Variants in GSE1 observed in about 807,000 individuals in gnomAD.
GSE1 encodes the protein genetic suppressor element 1.
Under a neutral mutation model 112.6 loss-of-function variants are expected in GSE1, and 32 were observed. The ratio of observed to expected loss-of-function variants is 0.28; its 90% CI spans 0.21 to 0.38. GSE1 has a LOEUF of 0.38. Ranked by LOEUF, GSE1 falls within the 10% of genes least tolerant of loss-of-function variation. The probability of loss-of-function intolerance (pLI) is 1.00; values close to 1 mark genes in which losing one functional copy is unlikely to be tolerated. For missense variants in GSE1, 2,348 were observed against 1,699.2 expected, an observed-to-expected ratio of 1.38 and a Z score of -6.71; for synonymous variants, 1,115 against 735.6, an observed-to-expected ratio of 1.52 and a Z score of -8.35.
At chr16:85,315,099 C>T (rs1473698011) in intron 1 of GSE1, among the ~76,000 whole-genome samples, 3 of 151,776 alleles carry the variant, frequency 2.0e-5, no homozygotes, top group Admixed American at 2.0e-4. Flanking sequence ...GAGTGCCCCA[C>T]CCTGCCCGCC....
chr16:85,358,407 G>T (rs1243179170), intron 2 of GSE1, among the ~76,000 whole-genome samples: 1 of 152,154 alleles, frequency 6.6e-6, no homozygotes, highest in East Asian at 1.9e-4. Flanking sequence ...CCCTCCAGAG[G>T]GCTGTGGTCA....
At chr16:85,486,313 A>T (rs117971703) in intron 2 of GSE1, among the ~76,000 whole-genome samples, 1 of 151,796 alleles carries the variant, frequency 6.6e-6, no homozygotes, top group African/African-American at 2.4e-5. Flanking sequence ...ACGTACGCAC[A>T]CTCCTGCTCT....
At chr16:85,618,582 A>G (rs1278939786) in intron 1 of GSE1, among the ~76,000 whole-genome samples, 1 of 152,202 alleles carries the variant, frequency 6.6e-6, no homozygotes, top group Non-Finnish European at 1.5e-5. Context: ...GAGGCTGTTG[A>G]GGGTTAAAGC....
chr16:85,172,263 G>T (rs1180853076), intron 1 of GSE1, among the ~76,000 whole-genome samples: 1 of 152,218 alleles, frequency 6.6e-6, no homozygotes, highest in African/African-American at 2.4e-5. Flanking sequence ...TCTAGCTCCC[G>T]TGTGGCTTGG....
chr16:85,273,504 C>T (rs920176844), intron 1 of GSE1, among the ~76,000 whole-genome samples: 14 of 152,110 alleles, frequency 9.2e-5, no homozygotes, highest in Non-Finnish European at 1.6e-4. Flanking sequence ...ATCCATGGTG[C>T]AGCATGGATC....
chr16:85,549,967 A>C (rs7205397), intron 2 of GSE1, among the ~76,000 whole-genome samples: 2,227 of 152,316 alleles, frequency 0.015, 41 homozygotes, highest in African/African-American at 0.051. Context: ...CAGTGCACTA[A>C]GGCCCCATCA....
rs922446025 is a variant in GSE1 at position 85,399,571 on chromosome 16, A to G, written c.2464+41928A>G. Among the ~76,000 whole-genome samples the G allele has an allele frequency of 3.0e-4, 46 of 152,254 alleles. 1 individual carries two copies. Among genetic ancestry groups the G allele is most frequent in the Non-Finnish European group, 2.8e-4 (19 of 68,002 alleles). On this transcript the variant is annotated intron_variant, in intron 2 of 2. Coordinates refer to the GSE1 transcript ENST00000637419. Reference sequence around the variant, plus strand: ...CTGCAGGCCCCTGGGTAAACCGACCAGTTTCCTAAGCTGCCTGCCTGCTTT... The same window carrying G: ...CTGCAGGCCCCTGGGTAAACCGACCGGTTTCCTAAGCTGCCTGCCTGCTTT...
At chr16:85,560,599 G>C (rs923995531) in intron 1 of GSE1, among the ~76,000 whole-genome samples, 1 of 152,124 alleles carries the variant, frequency 6.6e-6, no homozygotes, top group Non-Finnish European at 1.5e-5. Flanking sequence ...GAAAGGAGAT[G>C]GGGCTGGTGA....
chr16:85,533,056 G>C (rs992522692), intron 2 of GSE1, among the ~76,000 whole-genome samples: 1 of 152,078 alleles, frequency 6.6e-6, no homozygotes, highest in African/African-American at 2.4e-5. Context: ...TCCAAGGTGA[G>C]GACAGCAACC....
intron 1 of GSE1, among the ~76,000 whole-genome samples, chr16:85,222,050 TACGCAGGCCCAGGGCCTGGGGA>T (rs1355509676): frequency 6.6e-6 from 1 of 151,986 alleles, no homozygotes; most frequent in Non-Finnish European, 1.5e-5. Flanking sequence ...GAGCCTGGGG[TACGCAGGCCCAGGGCCTGGGGA>T]AGGGGACAGG....
intron 1 of GSE1, among the ~76,000 whole-genome samples, chr16:85,204,164 C>G (rs2075076955): frequency 6.6e-6 from 1 of 152,232 alleles, no homozygotes; most frequent in Non-Finnish European, 1.5e-5. Context: ...GATTGTGAAT[C>G]TCCTTTCCGT....
chr16:85,570,046 G>A (rs566875072), intron 1 of GSE1, among the ~76,000 whole-genome samples: 2 of 152,330 alleles, frequency 1.3e-5, no homozygotes, highest in African/African-American at 2.4e-5. Flanking sequence ...GCGGCCCTGA[G>A]TTCCCAGGCT....
intron 2 of GSE1, chr16:85,490,200 G>A (rs1275440304): frequency 1.3e-5 from 2 of 152,298 alleles, no homozygotes; most frequent in East Asian, 3.8e-4. Flanking sequence ...AGGCTGAGGG[G>A]CCCAGGAGCA....
exon 1 of GSE1, chr16:85,171,429 C>A: frequency 1.0e-6 from 1 of 985,570 alleles, no homozygotes; most frequent in South Asian, 4.7e-5. Flanking sequence ...CCCCTCGTGC[C>A]AGGCCTGTGG....
At chr16:85,609,514 C>G (rs765864399), upstream of GSE1, among the ~76,000 whole-genome samples, 1 of 152,188 alleles carries the variant, frequency 6.6e-6, no homozygotes, top group Non-Finnish European at 1.5e-5. Flanking sequence ...AGTGAAAAAC[C>G]GCCCACCCTC....
At chr16:85,491,656 G>A (rs1013430917) in intron 2 of GSE1, among the ~76,000 whole-genome samples, 1 of 152,118 alleles carries the variant, frequency 6.6e-6, no homozygotes, top group Non-Finnish European at 1.5e-5. Flanking sequence ...AGACATGATG[G>A]TGGAGGAGGT....
intron 1 of GSE1, among the ~76,000 whole-genome samples, chr16:85,306,631 C>G (rs1038188516): frequency 1.3e-5 from 2 of 152,174 alleles, no homozygotes; most frequent in Non-Finnish European, 2.9e-5. Context: ...TCACTGCAGC[C>G]TCATCCTCCT....
chr16:85,522,793 G>A (rs1298604974), intron 2 of GSE1, among the ~76,000 whole-genome samples: 1 of 152,046 alleles, frequency 6.6e-6, no homozygotes, highest in African/African-American at 2.4e-5. Flanking sequence ...GCATGTGTTG[G>A]GTGTGAATGT....
intron 14 of GSE1, among the ~76,000 whole-genome samples, chr16:85,670,143 A>G (rs1296251888): frequency 3.3e-5 from 5 of 152,228 alleles, no homozygotes; most frequent in Admixed American, 6.5e-5. Context: ...CAGGTATCAC[A>G]TAGATTTTGG....
Sources: allele counts gnomAD v4.1 joint callset (sites outside exome capture counted in the v4.1 genomes callset), GRCh38; gene constraint gnomAD v4.1.1; transcripts MANE v1.5; gene names NCBI Gene and HGNC (gene_info 2026-07-23, HGNC 2026-07-21).